IRAK2: variants seen among roughly 807,000 people sequenced by gnomAD.
The protein encoded by IRAK2 is interleukin 1 receptor associated kinase 2, also known as interleukin-1 receptor-associated kinase-like 2.
In IRAK2, 57 loss-of-function variants were observed where a neutral mutation model predicts 72.0. The ratio of observed to expected loss-of-function variants is 0.79; its 90% CI spans 0.64 to 0.99. The LOEUF is 0.99. IRAK2 is among the 50% of genes least tolerant of loss of function. IRAK2 has a pLI of 0.00. For missense variants in IRAK2, 790 were observed against 794.4 expected (o/e 0.99, Z 0.07); for synonymous variants, 293 against 312.7 (o/e 0.94, Z 0.67).
In IRAK2 at chr3:10,213,299, C is replaced by T. The variant is rs771431923; in HGVS notation, c.621C>T (p.Thr207=). 1.2e-5 allele frequency: 19 copies of T among 1,613,950 alleles called. No individual in the cohort carries two copies. Among genetic ancestry groups the T allele is most frequent in the Admixed American group, 1.0e-4 (6 of 59,982 alleles). ...FWSEADVVQA[T]DDFNQNRKIS... ...GTGAGGCAGACGTGGTCCAGGCAAC[C>T]GATGACTTCAATCAAAACCGCAAAA... is the stretch of plus-strand genomic sequence containing the variant. Residue 207 remains threonine, a synonymous_variant, in exon 5 of 13, where the codon ACC becomes ACT. Coordinates refer to ENST00000256458, the MANE Select transcript of IRAK2 (RefSeq NM_001570.4).
At chr3:10,222,571 C>A in intron 8 of IRAK2, 65 bp from the exon 9 acceptor site, 1 of 1,379,996 alleles carries the variant, frequency 7.2e-7, no homozygotes, top group Non-Finnish European at 1.0e-6. Context: ...CCCAAAGGGT[C>A]TCCATGGCAA....
intron 1 of IRAK2, among the ~76,000 whole-genome samples, chr3:10,167,512 T>C (rs1034404251): frequency 1.3e-5 from 2 of 152,090 alleles, no homozygotes; most frequent in Non-Finnish European, 2.9e-5. Context: ...CCTCCTGGGT[T>C]CATGCCATTC....
At chr3:10,227,836 T>G (rs995627969) in intron 10 of IRAK2, among the ~76,000 whole-genome samples, 1 of 151,622 alleles carries the variant, frequency 6.6e-6, no homozygotes, top group Non-Finnish European at 1.5e-5. Flanking sequence ...ACCTGGCTAA[T>G]TTTTTTGTAT....
rs34423993 is a variant in IRAK2, at chr3:10,236,342, GT to G, written c.1473+1708del. 2.7e-3 allele frequency among the ~76,000 whole-genome samples: 269 copies of G among 99,652 alleles called. 2 individuals are homozygous for G. The highest frequency in any genetic ancestry group is 4.1e-3 in the African/African-American group (112 of 27,002). 65.4% of individuals were successfully genotyped at this position (99,652 alleles called of 152,430 possible). On this transcript the variant is annotated intron_variant, in intron 11 of 12. Transcript: ENST00000256458. ...TAAGGATTTTTGCAGAGCCACTAAG[GT>G]TTTTTTTTTTTTTTTTTTTTTTTTA...
chr3:10,237,993 C>A (rs1194774853), intron 11 of IRAK2, among the ~76,000 whole-genome samples: 2 of 146,824 alleles, frequency 1.4e-5, no homozygotes, highest in East Asian at 4.1e-4. Context: ...TTCCTTGCTT[C>A]CGTCTAATTT....
intron 11 of IRAK2, among the ~76,000 whole-genome samples, chr3:10,235,006 G>A (rs1697933169): frequency 6.6e-6 from 1 of 152,214 alleles, no homozygotes; most frequent in South Asian, 2.1e-4. Context: ...ATAACAGAGA[G>A]ATGAGCCTCC....
chr3:10,230,113 T>C (rs560880628), intron 10 of IRAK2, among the ~76,000 whole-genome samples: 5 of 151,880 alleles, frequency 3.3e-5, no homozygotes, highest in Admixed American at 6.6e-5. Flanking sequence ...AATAAAAAAG[T>C]AAATTGAAAA....
intron 8 of IRAK2, among the ~76,000 whole-genome samples, chr3:10,220,520 G>A (rs999815810): frequency 1.3e-4 from 19 of 151,992 alleles, no homozygotes; most frequent in African/African-American, 4.6e-4. Flanking sequence ...TCAGCTCACT[G>A]CAACCTCCAC....
At chr3:10,195,419 GGT>G (rs1469997711) in intron 2 of IRAK2, among the ~76,000 whole-genome samples, 1 of 152,116 alleles carries the variant, frequency 6.6e-6, no homozygotes, top group African/African-American at 2.4e-5. Context: ...AGCTGGGCGT[GGT>G]GTTGCCTGTA....
intron 4 of IRAK2, among the ~76,000 whole-genome samples, chr3:10,211,169 T>C (rs1364132027): frequency 1.3e-5 from 2 of 150,610 alleles, no homozygotes; most frequent in Non-Finnish European, 3.0e-5. Context: ...GGCCAAAAAG[T>C]TTTTTTGAGA....
intron 2 of IRAK2, among the ~76,000 whole-genome samples, chr3:10,193,614 C>T (rs696215): frequency 0.17 from 26,561 of 152,060 alleles, 3,331 homozygotes; most frequent in East Asian, 0.72. Context: ...CAGAGCAAGA[C>T]TCTGCCTCAA....
intron 11 of IRAK2, among the ~76,000 whole-genome samples, chr3:10,237,929 CTGTGTGTGTGTGTGTG>C (rs138639711): frequency 3.3e-4 from 46 of 138,248 alleles, no homozygotes; most frequent in Non-Finnish European, 5.9e-4. Context: ...TATGTGTGCT[CTGTGTGTGTGTGTGTG>C]TGTGTGTGTG....
At chr3:10,183,068 G>C (rs1199054978) in intron 2 of IRAK2, among the ~76,000 whole-genome samples, 2 of 152,172 alleles carry the variant, frequency 1.3e-5, no homozygotes, top group East Asian at 3.8e-4. Flanking sequence ...CACCGCGCCT[G>C]GCTGGATGCC....
At position 10,214,831 on chromosome 3, in the gene IRAK2, G is replaced by A. The variant is rs537473614; in HGVS notation, c.788+1283G>A. On this transcript the variant is annotated intron_variant, in intron 6 of 12. Transcript: ENST00000256458. ...TTTTTTTGGCTGGGCATGGTGGCTC[G>A]CACCTATAATCCCAGCACTTTGGGA... Among the ~76,000 whole-genome samples, 495 of 151,120 alleles carry A rather than the reference G, an allele frequency of 3.3e-3. 2 individuals carry two copies. Among genetic ancestry groups the A allele is most frequent in the Non-Finnish European group, 5.5e-3 (372 of 67,780 alleles).
chr3:10,215,562 T>C (rs1337553384), intron 6 of IRAK2, among the ~76,000 whole-genome samples: 1 of 152,164 alleles, frequency 6.6e-6, no homozygotes, highest in African/African-American at 2.4e-5. Context: ...GTTAAAACTT[T>C]TTTTGTAGAG....
At chr3:10,240,558 C>CCCCCCCCCCT (rs1274154130) in intron 12 of IRAK2, among the ~76,000 whole-genome samples, 1 of 18,064 alleles carries the variant, frequency 5.5e-5, no homozygotes, top group Admixed American at 1.1e-3. Flanking sequence ...CCCCCCCCGC[C>CCCCCCCCCCT]TTTTTTTTTT....
At chr3:10,185,130 A>C (rs1434896516) in intron 2 of IRAK2, among the ~76,000 whole-genome samples, 2 of 151,534 alleles carry the variant, frequency 1.3e-5, no homozygotes, top group Non-Finnish European at 2.9e-5. Flanking sequence ...CCTAAGCATC[A>C]GTATCACCTG....
chr3:10,192,211 T>G (rs895107263), intron 2 of IRAK2, among the ~76,000 whole-genome samples: 1 of 152,188 alleles, frequency 6.6e-6, no homozygotes, highest in African/African-American at 2.4e-5. Flanking sequence ...CACTTTTGTT[T>G]GTTCTGGAAG....
chr3:10,213,061 C>T (rs916869307), intron 4 of IRAK2, 146 bp from the exon 5 acceptor site: 15 of 691,342 alleles, frequency 2.2e-5, no homozygotes, highest in Middle Eastern at 4.1e-4. Flanking sequence ...AGCCACCGTG[C>T]CCGGCCTATC....
Sources: gnomAD v4.1 joint callset for allele counts (sites outside exome capture counted in the v4.1 genomes callset) on GRCh38, gnomAD v4.1.1 for gene constraint, MANE v1.5 for transcripts, NCBI Gene and HGNC (gene_info 2026-07-23, HGNC 2026-07-21) for gene names.